The following DNAH17 variants were observed in gnomAD, a reference collection of about 807,000 sequenced individuals.
DNAH17 encodes dynein axonemal heavy chain 17.
DNAH17 carries 376 observed loss-of-function variants against 485.6 expected under a neutral mutation model. The observed-to-expected ratio is 0.77, with a 90% CI of 0.71 to 0.84. The LOEUF is 0.84. Ranked by LOEUF, DNAH17 falls within the 40% of genes least tolerant of loss-of-function variation. The probability of loss-of-function intolerance (pLI) is 0.00; values close to 1 mark genes in which losing one functional copy is unlikely to be tolerated. For synonymous variants in DNAH17, 3,031 were observed against 2,405.9 expected, an observed-to-expected ratio of 1.26 and a Z score of -7.60; for missense variants, 6,370 against 5,839.3, an observed-to-expected ratio of 1.09 and a Z score of -2.96.
At chr17:78,449,792 G>A (rs1027301004) in intron 68 of DNAH17, 6 of 548,740 alleles carry the variant, frequency 1.1e-5, no homozygotes, top group African/African-American at 7.6e-5. Context: ...GTGTTCAAGC[G>A]ATTCTCCTGC....
Position 78,566,663 on chromosome 17 carries a change from A to G in DNAH17, c.1520T>C (p.Ile507Thr). ...GCAGTCATCAAATCCTTGGCAAAAG[A>G]TCGTGGCCAGCCTCCTATCCAGGTC... Reference protein sequence around the residue: ...IQDLDRRLATIFCQGFDDCSC... With the variant: ...IQDLDRRLATTFCQGFDDCSC... Residue 507 changes from isoleucine (I) to threonine (T), a missense_variant, in exon 11 of 81, where the codon ATC becomes ACC. By Grantham distance (89) the Ile-to-Thr change is moderately conservative. Coordinates refer to ENST00000389840, the MANE Select transcript of DNAH17 (RefSeq NM_173628.4). 6.2e-7 allele frequency: 1 copy of G among 1,611,308 alleles called. No homozygotes were observed. The highest frequency in any genetic ancestry group is 8.5e-7 in the Non-Finnish European group (1 of 1,178,828).
At chr17:78,529,742 C>CA in intron 21 of DNAH17, 48 bp from the exon 22 acceptor site, 1 of 1,585,328 alleles carries the variant, frequency 6.3e-7, no homozygotes, top group Non-Finnish European at 8.6e-7. Context: ...CCCTTAGGCC[C>CA]ACCCTTGATG....
intron 24 of DNAH17, among the ~76,000 whole-genome samples, chr17:78,525,708 G>A (rs1000661478): frequency 2.6e-5 from 4 of 152,214 alleles, no homozygotes; most frequent in African/African-American, 9.6e-5. Context: ...TGCCTGCTCT[G>A]GTCACCAGCT....
chr17:78,472,607 C>G, intron 54 of DNAH17: 1 of 381,792 alleles, frequency 2.6e-6, no homozygotes, highest in South Asian at 1.7e-5. Flanking sequence ...AAACTCCCCA[C>G]CGCCTGGCCC....
At chr17:78,544,441 G>C (rs1280403056) in intron 16 of DNAH17, among the ~76,000 whole-genome samples, 1 of 152,168 alleles carries the variant, frequency 6.6e-6, no homozygotes, top group Non-Finnish European at 1.5e-5. Flanking sequence ...TGCCGACAAG[G>C]GTGGGAAAGG....
chr17:78,551,591 G>C lies in DNAH17; in HGVS notation c.2335C>G (p.Gln779Glu), dbSNP rs1178428717. 2 of 1,613,972 alleles carry C rather than the reference G, an allele frequency of 1.2e-6. No homozygotes were observed. Among genetic ancestry groups the C allele is most frequent in the African/African-American group, 1.3e-5 (1 of 75,028 alleles). ...TGTTTTGCCTTTTGCATCCTGTTCT[G>C]CAAGTTGTGCAGAATTTCTCGCACC... is the stretch of plus-strand genomic sequence containing the variant. ...QEVREILHNL[Q>E]NRMQKAKQNI... The change falls in exon 16 of 81, where the codon CAG becomes GAG. Residue 779 changes from glutamine to glutamate, a missense_variant. Gln to Glu is a conservative substitution (Grantham distance 29, BLOSUM62 2). Transcript: ENST00000389840.
chr17:78,542,383 AG>A (rs976123416), intron 17 of DNAH17, among the ~76,000 whole-genome samples: 6 of 152,050 alleles, frequency 3.9e-5, no homozygotes, highest in African/African-American at 1.4e-4. Flanking sequence ...CCTGACGTCA[AG>A]TGATCCACCC....
At chr17:78,553,964 CT>C (rs1003544641) in intron 14 of DNAH17, among the ~76,000 whole-genome samples, 1 of 151,690 alleles carries the variant, frequency 6.6e-6, no homozygotes, top group African/African-American at 2.4e-5. Context: ...AGCTCAAAAT[CT>C]TTTTTTTAAT....
chr17:78,551,325 T>C (rs1216078886), intron 16 of DNAH17, among the ~76,000 whole-genome samples: 1 of 152,230 alleles, frequency 6.6e-6, no homozygotes, highest in Non-Finnish European at 1.5e-5. Flanking sequence ...CTCAGCAGAA[T>C]GGAGCAGAAC....
At chr17:78,548,202 C>CTTTTTT (rs34701814) in intron 16 of DNAH17, among the ~76,000 whole-genome samples, 3,307 of 80,026 alleles carry the variant, frequency 0.041, 187 homozygotes, top group Non-Finnish European at 0.058. Flanking sequence ...ATGTCATGGC[C>CTTTTTT]TTTTTTTTTT....
intron 27 of DNAH17, among the ~76,000 whole-genome samples, chr17:78,508,080 C>A (rs1233144526): frequency 6.6e-6 from 1 of 152,186 alleles, no homozygotes; most frequent in Non-Finnish European, 1.5e-5. Flanking sequence ...AGACCCTAGG[C>A]TGAGTGAAAG....
Position 78,552,524 on chromosome 17 carries a change from T to C in DNAH17, c.2287+173A>G, listed in dbSNP as rs527790310. On this transcript the variant is annotated intron_variant, in intron 15 of 80. Coordinates refer to ENST00000389840, the MANE Select transcript of DNAH17 (RefSeq NM_173628.4). ...TGACACAGATGGGCTTTTTTTTTTT[T>C]TTTTTGCCTGGGCAGGCAGGTGGAA... Among the ~76,000 whole-genome samples the C allele has an allele frequency of 3.8e-3, 578 of 151,730 alleles. 6 individuals are homozygous for C. The highest frequency in any genetic ancestry group is 0.013 in the African/African-American group (553 of 41,396).
chr17:78,424,296 G>T, intron 80 of DNAH17, 143 bp from the exon 81 acceptor site: 2 of 1,026,412 alleles, frequency 1.9e-6, no homozygotes, highest in Non-Finnish European at 2.7e-6. Flanking sequence ...TGCCACGGCT[G>T]GAAGCAGAGG....
chr17:78,514,957 G>A lies in DNAH17; in HGVS notation c.3930C>T (p.Asp1310=). Residue 1310 remains aspartate (D), a synonymous_variant, in exon 26 of 81, where the codon GAC becomes GAT. Transcript: ENST00000389840. ...CCTTGGCAAACTTCTTACAATCTAT[G>A]TCCATCTGCTCAACGTTGATATCTT... ...KWKDINVEQM[D]IDCKKFAKDM... is the part of the protein sequence containing the mutation. 2 of 1,614,026 alleles carry A rather than the reference G, an allele frequency of 1.2e-6. No homozygotes were observed. The highest frequency in any genetic ancestry group is 1.7e-6 in the Non-Finnish European group (2 of 1,179,894).
chr17:78,496,315 T>C (rs992633840), intron 37 of DNAH17, among the ~76,000 whole-genome samples: 4 of 151,556 alleles, frequency 2.6e-5, no homozygotes, highest in African/African-American at 9.7e-5. Flanking sequence ...CTAGGCAACA[T>C]AGCAAGACCC....
chr17:78,494,562 C>T (rs1264650200), intron 40 of DNAH17, 31 bp downstream of exon 40: 12 of 1,608,644 alleles, frequency 7.5e-6, no homozygotes, highest in Non-Finnish European at 9.4e-6. Flanking sequence ...GCAGGCTTCT[C>T]CGGACAGACC....
At chr17:78,495,469 T>C (rs8076101) in intron 38 of DNAH17, among the ~76,000 whole-genome samples, 86,518 of 146,768 alleles carry the variant, frequency 0.59, 26,221 homozygotes, top group East Asian at 0.7. Flanking sequence ...CAGAGTTTTG[T>C]TCTTGTTGCC....
intron 48 of DNAH17, among the ~76,000 whole-genome samples, chr17:78,481,120 T>C (rs1350132692): frequency 7.0e-6 from 1 of 143,178 alleles, no homozygotes; most frequent in Non-Finnish European, 1.5e-5. Context: ...TTTTTTTTTT[T>C]GAGATGGAGT....
At position 78,468,765 on chromosome 17, in the gene DNAH17, G is replaced by T. The variant is rs186570138; in HGVS notation, c.8630C>A (p.Ala2877Asp). 1.5e-3 allele frequency: 2,497 copies of T among 1,614,048 alleles called. 78 individuals carry two copies. The Admixed American group carries it at 0.039, about 26-fold the overall frequency. ...AAACAGCCCAGGGATCTCTCCTGAGGCCAGCAGGTCATTGATCAGCACCAG... is the reference window on the plus strand; with the variant it reads ...AAACAGCCCAGGGATCTCTCCTGAGTCCAGCAGGTCATTGATCAGCACCAG... ...QFLVLINDLLASGEIPGLFME... is the reference protein window; with the variant it reads ...QFLVLINDLLDSGEIPGLFME... Residue 2877 changes from alanine to aspartate, a missense_variant, in exon 55 of 81, where the codon GCC (alanine) becomes GAC (aspartate). Transcript: ENST00000389840.
Sources: gnomAD v4.1 joint callset for allele counts (sites outside exome capture counted in the v4.1 genomes callset) on GRCh38, gnomAD v4.1.1 for gene constraint, MANE v1.5 for transcripts, NCBI Gene and HGNC (gene_info 2026-07-23, HGNC 2026-07-21) for gene names.